The following IRF2BP2 variants were observed in gnomAD, a reference collection of about 807,000 sequenced individuals.
IRF2BP2 encodes interferon regulatory factor 2 binding protein 2.
IRF2BP2 carries 13 observed loss-of-function variants against 32.7 expected under a neutral mutation model. That is an observed-to-expected ratio of 0.40 (90% confidence interval 0.26 to 0.63). The LOEUF is 0.63. Ranked by LOEUF, IRF2BP2 falls within the 30% of genes least tolerant of loss-of-function variation. The pLI, the probability that IRF2BP2 is intolerant of heterozygous loss-of-function variation, is 0.42. For synonymous variants in IRF2BP2, 555 were observed against 384.6 expected (o/e 1.44, Z -5.18); for missense variants, 980 against 830.6 (o/e 1.18, Z -2.21).
chr1:234,607,044 C>G lies in IRF2BP2; in HGVS notation c.*93G>C. On this transcript the variant is annotated 3_prime_UTR_variant, in exon 2 of 2. Transcript: ENST00000366609. ...CCATGTTTATGAAGTCTACATTTCC[C>G]TTGTCTTGGATATATATATATATGG... 1.1e-6 allele frequency: 1 copy of G among 918,384 alleles called. No homozygotes were observed. The highest frequency in any genetic ancestry group is 1.7e-6 in the Non-Finnish European group (1 of 601,942). 56.9% of individuals were successfully genotyped at this position (918,384 alleles called of 1,614,324 possible).
At position 234,609,676 on chromosome 1, in the gene IRF2BP2, G is replaced by A. The variant is rs1486121476; in HGVS notation, c.-182C>T. Among the ~76,000 whole-genome samples, 5 of 145,194 alleles carry A rather than the reference G, an allele frequency of 3.4e-5. No homozygotes were observed. The highest frequency in any genetic ancestry group is 7.7e-5 in the Non-Finnish European group (5 of 65,326). On this transcript the variant is annotated 5_prime_UTR_variant, in exon 1 of 2. Transcript: ENST00000366609. ...CAAAGCCCGCGAAGGCTCGGCGCCCGCGCAGCGCCCCCGGTGCACGAGGGG... is the reference window on the plus strand; with the variant it reads ...CAAAGCCCGCGAAGGCTCGGCGCCCACGCAGCGCCCCCGGTGCACGAGGGG...
chr1:234,608,970 G>A lies in IRF2BP2; in HGVS notation c.525C>T (p.Ser175=), dbSNP rs367882369. 8.0e-5 allele frequency: 109 copies of A among 1,359,938 alleles called. No individual in the cohort carries two copies. In the African/African-American group the frequency reaches 9.3e-4, roughly 12 times the overall value. 84.2% of individuals were successfully genotyped at this position (1,359,938 alleles called of 1,614,324 possible). The change falls in exon 1 of 2, where the codon AGC becomes AGT. Residue 175 remains serine, a synonymous_variant. Transcript: ENST00000366609. ...CCGCGTGGCCGCGCCGCGGGTTCGG[G>A]CTCTGGCGATTCAGCTCGGGCGGCT... ...LEEPPELNRQ[S]PNPRRGHAVP...
rs1261525649 is a variant in IRF2BP2, at chr1:234,604,579, C to T, written c.*2558G>A. On this transcript the variant is annotated 3_prime_UTR_variant, in exon 2 of 2. Coordinates refer to ENST00000366609, the MANE Select transcript of IRF2BP2 (RefSeq NM_182972.3). ...TGTTCTCATAACTTTAAATGTGAGG[C>T]CACATGAAAGACAGTACATCTGTTA... is the stretch of plus-strand genomic sequence containing the variant. 6.6e-6 allele frequency: 1 copy of T among 152,120 alleles called. No individual in the cohort carries two copies. The highest frequency in any genetic ancestry group is 2.4e-5 in the African/African-American group (1 of 41,424). 9.4% of individuals were successfully genotyped at this position (152,120 alleles called of 1,614,324 possible). A position where few individuals can be genotyped will look rare whatever the true frequency, so the allele number is the denominator to read the frequency against.
rs928085036 is a variant in IRF2BP2, at chr1:234,606,986, A to T, written c.*151T>A. On this transcript the variant is annotated 3_prime_UTR_variant, in exon 2 of 2. Transcript: ENST00000366609. ...TTGTCGTCAAAAAAAATATAGAAACACAATGTATTCAAAAAAAATCAAAAT... is the reference window on the plus strand; with the variant it reads ...TTGTCGTCAAAAAAAATATAGAAACTCAATGTATTCAAAAAAAATCAAAAT... 8.0e-6 allele frequency: 5 copies of T among 623,246 alleles called. No homozygotes were observed. The Admixed American group carries it at 1.2e-4, about 15-fold the overall frequency. The allele number at this position is 623,246 out of a possible 1,614,324, so 38.6% of individuals were successfully genotyped here.
chr1:234,607,651 G>A lies in IRF2BP2; in HGVS notation c.1250C>T (p.Ala417Val). The change falls in exon 2 of 2, where the codon GCG (alanine) becomes GTG (valine). Residue 417 changes from alanine (A) to valine (V), a missense_variant. Ala to Val is a moderately conservative substitution (Grantham distance 64). Coordinates refer to ENST00000366609, the MANE Select transcript of IRF2BP2 (RefSeq NM_182972.3). Reference protein sequence around the residue: ...PHSNRTTPPEAAQNGQSPMAA... With the variant: ...PHSNRTTPPEVAQNGQSPMAA... ...CATGGGGGACTGGCCATTCTGGGCCGCTTCAGGCGGTGTGGTCCGGTTGGA... is the reference window on the plus strand; with the variant it reads ...CATGGGGGACTGGCCATTCTGGGCCACTTCAGGCGGTGTGGTCCGGTTGGA... 2.5e-6 allele frequency: 4 copies of A among 1,614,216 alleles called. No homozygotes were observed. The highest frequency in any genetic ancestry group is 3.4e-6 in the Non-Finnish European group (4 of 1,180,026).
Position 234,608,582 on chromosome 1 carries a change from C to T in IRF2BP2, c.913G>A (p.Val305Met). Residue 305 changes from valine (V) to methionine (M), a missense_variant, in exon 1 of 2, where the codon GTG becomes ATG. Val to Met is a conservative substitution (Grantham distance 21). Coordinates refer to ENST00000366609, the MANE Select transcript of IRF2BP2 (RefSeq NM_182972.3). ...TGCAGCGCCAGCAGCGTGTCGCGCA[C>T]GGTCTTGGGCCTGTTGACCCAGTCC... The part of the protein sequence containing the change: ...EQDWVNRPKT[V>M]RDTLLALHQH... 6.2e-7 allele frequency: 1 copy of T among 1,606,940 alleles called. No individual in the cohort carries two copies. Among genetic ancestry groups the T allele is most frequent in the Non-Finnish European group, 8.5e-7 (1 of 1,177,578 alleles).
rs928455941 is a variant in IRF2BP2, at chr1:234,606,039, C to T, written c.*1098G>A. ...GTCACTGATATGCCCAAGGGCAGTC[C>T]TGGCAGCACCACGCGGCTGTTACTG... On this transcript the variant is annotated 3_prime_UTR_variant, in exon 2 of 2. Coordinates refer to ENST00000366609, the MANE Select transcript of IRF2BP2 (RefSeq NM_182972.3). The T allele has an allele frequency of 6.6e-6, 1 of 152,226 alleles. No homozygotes were observed. Among genetic ancestry groups the T allele is most frequent in the Non-Finnish European group, 1.5e-5 (1 of 68,056 alleles). 9.4% of individuals were successfully genotyped at this position (152,226 alleles called of 1,614,324 possible). A position where few individuals can be genotyped will look rare whatever the true frequency, so the allele number is the denominator to read the frequency against.
chr1:234,607,746 C>T lies in IRF2BP2; in HGVS notation c.1155G>A (p.Glu385=), dbSNP rs14739. 0.022 allele frequency: 34,717 copies of T among 1,613,990 alleles called. 6,171 individuals carry two copies. In the African/African-American group the frequency reaches 0.4, roughly 19 times the overall value. The change falls in exon 2 of 2, where the codon GAG becomes GAA. Residue 385 remains glutamate, a synonymous_variant. Transcript: ENST00000366609. ...EAQPWLSTST[E]GLKIPMTPTS... Reference sequence around the variant, plus strand: ...TAGGAGTCATGGGGATCTTGAGCCCCTCTGTGGATGTGGACAGCCACGGCT... The same window carrying T: ...TAGGAGTCATGGGGATCTTGAGCCCTTCTGTGGATGTGGACAGCCACGGCT...
rs770924835 is a variant in IRF2BP2, at chr1:234,607,251, G to A, written c.1650C>T (p.Pro550=). ...CCACAAGAGGGCATTTTTCCCCACT[G>A]GGACAATAGACCTCTCCACTAGCTC... ...QQGASGEVYC[P]SGEKCPLVGS... The change falls in exon 2 of 2, where the codon CCC becomes CCT. Residue 550 remains proline, a synonymous_variant. Coordinates refer to ENST00000366609, the MANE Select transcript of IRF2BP2 (RefSeq NM_182972.3). The A allele has an allele frequency of 6.2e-7, 1 of 1,614,154 alleles. No individual in the cohort carries two copies. Among genetic ancestry groups the A allele is most frequent in the South Asian group, 1.1e-5 (1 of 91,082 alleles).
chr1:234,607,392 C>A lies in IRF2BP2; in HGVS notation c.1509G>T (p.Pro503=). The change falls in exon 2 of 2, where the codon CCG becomes CCT. Residue 503 remains proline (P), a synonymous_variant. Coordinates refer to ENST00000366609, the MANE Select transcript of IRF2BP2 (RefSeq NM_182972.3). ...GCTCGTGGCAGAGGGTGCAGCACAG[C>A]GGGGCACTGGTTGCCAGAGAGGAGT... is the stretch of plus-strand genomic sequence containing the variant. ...LPDSSLATSA[P]LCCTLCHERL... is the part of the protein sequence containing the mutation. 1 of 1,614,132 alleles carries A rather than the reference C, an allele frequency of 6.2e-7. No individual in the cohort carries two copies.
Position 234,608,684 on chromosome 1 carries a change from C to A in IRF2BP2, c.811G>T (p.Asp271Tyr). 6.6e-7 allele frequency: 1 copy of A among 1,509,998 alleles called. No homozygotes were observed. The highest frequency in any genetic ancestry group is 1.3e-5 in the South Asian group (1 of 79,664). The allele number at this position is 1,509,998 out of a possible 1,614,324, so 93.5% of individuals were successfully genotyped here. A position where few individuals can be genotyped will look rare whatever the true frequency, so the allele number is the denominator to read the frequency against. The change falls in exon 1 of 2, where the codon GAC (aspartate) becomes TAC (tyrosine). Residue 271 changes from aspartate (D) to tyrosine (Y), a missense_variant. By Grantham distance (160) the Asp-to-Tyr change is radical. Transcript: ENST00000366609. ...PPPPAHRGPA[D>Y]SLSTAAGAAE... The stretch of plus-strand genomic sequence containing the variant: ...GCCCCGGCCGCGGTGGACAGGCTGT[C>A]GGCCGGGCCCCGGTGCGCAGGCGGC...
At chr1:234,608,193 T>C in intron 1 of IRF2BP2, 1 of 524,876 alleles carries the variant, frequency 1.9e-6, no homozygotes, top group Non-Finnish European at 3.4e-6. Context: ...GCCCTCATGC[T>C]CCCATCCAAG....
rs1296780361 is a variant in IRF2BP2, at chr1:234,609,719, G to A, written c.-225C>T. ...ACGAGGGGCGGCGGGCGCGAGGTGA[G>A]GGGCTGCAGCCGCGGCAGCAGTTCC... On this transcript the variant is annotated 5_prime_UTR_variant, in exon 1 of 2. Transcript: ENST00000366609. Among the ~76,000 whole-genome samples, 3 of 144,774 alleles carry A rather than the reference G, an allele frequency of 2.1e-5. No homozygotes were observed. Among genetic ancestry groups the A allele is most frequent in the Non-Finnish European group, 1.5e-5 (1 of 65,152 alleles). The allele number at this position is 144,774 out of a possible 152,430, so 95.0% of individuals were successfully genotyped here.
chr1:234,608,971 C>T lies in IRF2BP2; in HGVS notation c.524G>A (p.Ser175Asn), dbSNP rs1202332497. ...CGCGTGGCCGCGCCGCGGGTTCGGG[C>T]TCTGGCGATTCAGCTCGGGCGGCTC... Reference protein sequence around the residue: ...LEEPPELNRQSPNPRRGHAVP... With the variant: ...LEEPPELNRQNPNPRRGHAVP... The change falls in exon 1 of 2, where the codon AGC becomes AAC. Residue 175 changes from serine (S) to asparagine (N), a missense_variant. Transcript: ENST00000366609. 1.5e-6 allele frequency: 2 copies of T among 1,360,180 alleles called. No homozygotes were observed. The highest frequency in any genetic ancestry group is 1.9e-6 in the Non-Finnish European group (2 of 1,060,878). The allele number at this position is 1,360,180 out of a possible 1,614,324, so 84.3% of individuals were successfully genotyped here.
chr1:234,609,066 G>C lies in IRF2BP2; in HGVS notation c.429C>G (p.Ala143=), dbSNP rs1672264743. 1 of 1,269,244 alleles carries C rather than the reference G, an allele frequency of 7.9e-7. No individual in the cohort carries two copies. Among genetic ancestry groups the C allele is most frequent in the Non-Finnish European group, 9.9e-7 (1 of 1,010,486 alleles). 78.6% of individuals were successfully genotyped at this position (1,269,244 alleles called of 1,614,324 possible). The change falls in exon 1 of 2, where the codon GCC becomes GCG. Residue 143 remains alanine, a synonymous_variant. Transcript: ENST00000366609. ...GCGGCGGCTGCGGCGTCGGCGGCTGGGCCAGGCTCGCTGCCGGGCGGCTGC... is the reference window on the plus strand; with the variant it reads ...GCGGCGGCTGCGGCGTCGGCGGCTGCGCCAGGCTCGCTGCCGGGCGGCTGC... ...FGSSRPAASL[A]QPPTPQPPPV... is the part of the protein sequence containing the mutation.
In IRF2BP2 at chr1:234,608,607, C is replaced by T. The variant is rs752328419; in HGVS notation, c.888G>A (p.Gln296=). The change falls in exon 1 of 2, where the codon CAG becomes CAA. Residue 296 remains glutamine (Q), a synonymous_variant. Coordinates refer to ENST00000366609, the MANE Select transcript of IRF2BP2 (RefSeq NM_182972.3). ...GAGKSRGSGE[Q]DWVNRPKTVR... ...CGGTCTTGGGCCTGTTGACCCAGTC[C>T]TGCTCTCCAGACCCGCGGCTCTTGC... 1.1e-5 allele frequency: 18 copies of T among 1,590,608 alleles called. No homozygotes were observed. In the East Asian group the frequency reaches 4.2e-4, roughly 37 times the overall value.
chr1:234,608,362 A>G, intron 1 of IRF2BP2, 85 bp downstream of exon 1: 1 of 1,153,540 alleles, frequency 8.7e-7, no homozygotes, highest in Non-Finnish European at 1.2e-6. Flanking sequence ...GGCTGGGGTA[A>G]AATGGTGAAT....
rs752928450 is a variant in IRF2BP2 at position 234,608,762 on chromosome 1, C to A, written c.733G>T (p.Ala245Ser). 1.4e-6 allele frequency: 2 copies of A among 1,479,698 alleles called. No homozygotes were observed. Among genetic ancestry groups the A allele is most frequent in the Non-Finnish European group, 1.8e-6 (2 of 1,125,376 alleles). The allele number at this position is 1,479,698 out of a possible 1,614,324, so 91.7% of individuals were successfully genotyped here. A position where few individuals can be genotyped will look rare whatever the true frequency, so the allele number is the denominator to read the frequency against. ...TCACGCTGCTCGTGCTCCACGGCAGCGCTGCTCGACACGGATGCCGGCCGC... is the reference window on the plus strand; with the variant it reads ...TCACGCTGCTCGTGCTCCACGGCAGAGCTGCTCGACACGGATGCCGGCCGC... The part of the protein sequence containing the change: ...HKRPASVSSS[A>S]AVEHEQREAA... The change falls in exon 1 of 2, where the codon GCT (alanine) becomes TCT (serine). Residue 245 changes from alanine (A) to serine (S), a missense_variant. Coordinates refer to ENST00000366609, the MANE Select transcript of IRF2BP2 (RefSeq NM_182972.3).
rs1008389879 is a variant in IRF2BP2, at chr1:234,608,886, G to C, written c.609C>G (p.Leu203=). Residue 203 remains leucine, a synonymous_variant, in exon 1 of 2, where the codon CTC becomes CTG. Coordinates refer to ENST00000366609, the MANE Select transcript of IRF2BP2 (RefSeq NM_182972.3). ...AGGCGGCAGCGCGGCCGCCGAGGCC[G>C]AGCGCGGTGGGCAGCGGCGTGGCCG... is the stretch of plus-strand genomic sequence containing the variant. ...NGSATPLPTA[L]GLGGRAAASL... is the part of the protein sequence containing the mutation. 3.8e-6 allele frequency: 5 copies of C among 1,326,272 alleles called. No homozygotes were observed. The highest frequency in any genetic ancestry group is 4.8e-6 in the Non-Finnish European group (5 of 1,047,040). The allele number at this position is 1,326,272 out of a possible 1,614,324, so 82.2% of individuals were successfully genotyped here.
Sources: gnomAD v4.1 joint callset for allele counts (sites outside exome capture counted in the v4.1 genomes callset) on GRCh38, gnomAD v4.1.1 for gene constraint, MANE v1.5 for transcripts, NCBI Gene and HGNC (gene_info 2026-07-23, HGNC 2026-07-21) for gene names.